The following UBA6 variants were observed in gnomAD, a reference collection of about 807,000 sequenced individuals.
UBA6 encodes ubiquitin like modifier activating enzyme 6, also known as ubiquitin-like modifier-activating enzyme 6.
UBA6 carries 87 observed loss-of-function variants against 148.3 expected under a neutral mutation model. That is an observed-to-expected ratio of 0.59 (90% CI 0.49 to 0.70). The LOEUF (loss-of-function observed/expected upper bound fraction) is 0.70. Ranked by LOEUF, UBA6 falls within the 30% of genes least tolerant of loss-of-function variation. The pLI is 0.00. For synonymous variants in UBA6, 376 were observed against 401.0 expected, an observed-to-expected ratio of 0.94 and a Z score of 0.75; for missense variants, 1,186 against 1,241.2, an observed-to-expected ratio of 0.96 and a Z score of 0.67.
At chr4:67,665,928 A>G (rs1444020782) in intron 9 of UBA6, among the ~76,000 whole-genome samples, 1 of 152,216 alleles carries the variant, frequency 6.6e-6, no homozygotes, top group Admixed American at 6.5e-5. Flanking sequence ...ACAACCATAA[A>G]AGAAAATATT....
At chr4:67,637,419 C>A (rs1458962949) in intron 19 of UBA6, among the ~76,000 whole-genome samples, 1 of 152,030 alleles carries the variant, frequency 6.6e-6, no homozygotes, top group Non-Finnish European at 1.5e-5. Context: ...CCGGCTGCCA[C>A]CCCGTCTGGG....
intron 16 of UBA6, among the ~76,000 whole-genome samples, chr4:67,645,267 T>C (rs978775160): frequency 2.0e-5 from 3 of 152,202 alleles, no homozygotes; most frequent in Non-Finnish European, 4.4e-5. Flanking sequence ...TTTTATGTTA[T>C]TGGGGAAAAT....
intron 13 of UBA6, among the ~76,000 whole-genome samples, chr4:67,654,510 C>T (rs1729633614): frequency 6.6e-6 from 1 of 152,130 alleles, no homozygotes; most frequent in South Asian, 2.1e-4. Flanking sequence ...CACCACCAGA[C>T]CTGCCTTACA....
chr4:67,685,948 T>C (rs1012413675), intron 2 of UBA6, among the ~76,000 whole-genome samples: 1 of 152,206 alleles, frequency 6.6e-6, no homozygotes, highest in African/African-American at 2.4e-5. Context: ...GTGCCTTCTT[T>C]GTACCAAGTA....
chr4:67,677,703 G>T lies in UBA6; in HGVS notation c.373C>A (p.His125Asn). 1 of 1,588,754 alleles carries T rather than the reference G, an allele frequency of 6.3e-7. No homozygotes were observed. ...KRNRAEAVLK[H>N]IAELNPYVHV... ...ACGTATGGATTTAGTTCTGCAATAT[G>T]TTTAAGTACAGCTTCAGCCCTAAAA... The change falls in exon 6 of 33, where the codon CAT becomes AAT. Residue 125 changes from histidine to asparagine, a missense_variant. Physicochemically the swap from His to Asn is moderately conservative, Grantham distance 68. Transcript: ENST00000322244.
At chr4:67,655,519 C>A (rs1402227565) in intron 13 of UBA6, among the ~76,000 whole-genome samples, 1 of 152,182 alleles carries the variant, frequency 6.6e-6, no homozygotes, top group Non-Finnish European at 1.5e-5. Context: ...ATACCAGAAT[C>A]TCTGAGACAC....
chr4:67,635,953 C>T (rs1465054692), intron 19 of UBA6, among the ~76,000 whole-genome samples: 2 of 152,136 alleles, frequency 1.3e-5, no homozygotes, highest in Admixed American at 6.5e-5. Context: ...CTATATTCTA[C>T]AAATTTTTAT....
At chr4:67,622,003 G>C (rs748393371) in intron 32 of UBA6, among the ~76,000 whole-genome samples, 2 of 152,136 alleles carry the variant, frequency 1.3e-5, no homozygotes, top group Non-Finnish European at 2.9e-5. Flanking sequence ...ACTTGGCCAG[G>C]TCACTGTCTC....
At position 67,617,272 on chromosome 4, in the gene UBA6, A is replaced by G. The variant is rs1728649155; in HGVS notation, c.*1725T>C. 1 of 152,092 alleles carries G rather than the reference A, an allele frequency of 6.6e-6. No individual in the cohort carries two copies. The highest frequency in any genetic ancestry group is 2.1e-4 in the South Asian group (1 of 4,828). 9.4% of individuals were successfully genotyped at this position (152,092 alleles called of 1,614,324 possible). A position where few individuals can be genotyped will look rare whatever the true frequency, so the allele number is the denominator to read the frequency against. ...AGAACACAAAACAAAGTGAACGTGG[A>G]AAAAAGCCTTCTTTGCAAAAGTCCT... On this transcript the variant is annotated 3_prime_UTR_variant, in exon 33 of 33. Transcript: ENST00000322244.
chr4:67,653,557 G>A (rs889614784), intron 13 of UBA6, among the ~76,000 whole-genome samples: 3 of 152,054 alleles, frequency 2.0e-5, no homozygotes, highest in Non-Finnish European at 4.4e-5. Flanking sequence ...CCAAAAGTAG[G>A]TAAAAATACA....
Position 67,681,601 on chromosome 4 carries a change from CAAAAGA to C in UBA6, c.230-16_230-11del. 6.4e-7 allele frequency: 1 copy of C among 1,574,738 alleles called. No homozygotes were observed. The highest frequency in any genetic ancestry group is 1.2e-5 in the South Asian group (1 of 84,108). ...AGAACAAGATTCTTTGCTAGAAAGG[CAAAAGA>C]AAAAGGAATAGCTCAATATTGGGAA... On this transcript the variant is annotated splice_polypyrimidine_tract_variant and intron_variant, in intron 3 of 32. Coordinates refer to ENST00000322244, the MANE Select transcript of UBA6 (RefSeq NM_018227.6).
Position 67,638,970 on chromosome 4 carries a change from T to A in UBA6, c.1709A>T (p.Asn570Ile). The A allele has an allele frequency of 5.0e-6, 8 of 1,609,294 alleles. No homozygotes were observed. The highest frequency in any genetic ancestry group is 5.9e-6 in the Non-Finnish European group (7 of 1,177,512). Residue 570 changes from asparagine to isoleucine, a missense_variant, in exon 19 of 33, where the codon AAT becomes ATT. Coordinates refer to ENST00000322244, the MANE Select transcript of UBA6 (RefSeq NM_018227.6). ...GTCTACGTATCTCCTGGCTTCCACA[T>A]TATCTAATGCTGTAATAATTACATC... ...KQDVIITALD[N>I]VEARRYVDSR...
Position 67,618,863 on chromosome 4 carries a change from T to G in UBA6, c.*134A>C. ...ATAATTCTTCAGTGCAGTTTCTTAC[T>G]GATGTTTCCCTTAAAATTAAGGCTT... On this transcript the variant is annotated 3_prime_UTR_variant, in exon 33 of 33. Transcript: ENST00000322244. 3.4e-6 allele frequency: 3 copies of G among 889,724 alleles called. No homozygotes were observed. Among genetic ancestry groups the G allele is most frequent in the Middle Eastern group, 4.6e-4 (2 of 4,348 alleles). The allele number at this position is 889,724 out of a possible 1,614,324, so 55.1% of individuals were successfully genotyped here.
intron 19 of UBA6, among the ~76,000 whole-genome samples, chr4:67,637,421 C>T (rs1462432976): frequency 6.6e-6 from 1 of 151,588 alleles, no homozygotes; most frequent in African/African-American, 2.4e-5. Flanking sequence ...GGCTGCCACC[C>T]CGTCTGGGAG....
chr4:67,624,062 T>G, intron 30 of UBA6, 64 bp downstream of exon 30: 3 of 1,387,766 alleles, frequency 2.2e-6, no homozygotes, highest in Non-Finnish European at 2.9e-6. Flanking sequence ...TATTTTTCCC[T>G]TTTAAAAGGT....
At chr4:67,694,148 G>A (rs1485946913) in intron 2 of UBA6, among the ~76,000 whole-genome samples, 9 of 145,964 alleles carry the variant, frequency 6.2e-5, no homozygotes, top group African/African-American at 1.5e-4. Flanking sequence ...CCCAAGAGGC[G>A]GAGGTTGCCA....
At chr4:67,694,541 G>A (rs374290619) in intron 2 of UBA6, among the ~76,000 whole-genome samples, 7 of 145,578 alleles carry the variant, frequency 4.8e-5, no homozygotes, top group Admixed American at 1.4e-4. Context: ...ACAGGCGCCC[G>A]CCACCGCCAC....
At chr4:67,646,702 G>A (rs751981619) in intron 15 of UBA6, 22 bp downstream of exon 15, 30 of 1,584,388 alleles carry the variant, frequency 1.9e-5, no homozygotes, top group Non-Finnish European at 2.4e-5. Context: ...GTTAGTAAAA[G>A]CAAGAGAAAT....
chr4:67,670,666 A>AT (rs1396801095), intron 7 of UBA6, 74 bp from the exon 8 acceptor site: 1 of 1,151,224 alleles, frequency 8.7e-7, no homozygotes, highest in African/African-American at 1.6e-5. Flanking sequence ...AGGCCATTTC[A>AT]TAACAATTTA....
Sources: allele counts gnomAD v4.1 joint callset (sites outside exome capture counted in the v4.1 genomes callset), GRCh38; gene constraint gnomAD v4.1.1; transcripts MANE v1.5; gene names NCBI Gene and HGNC (gene_info 2026-07-23, HGNC 2026-07-21).